Variants in HCN1 observed in about 807,000 individuals in gnomAD.
HCN1 encodes the protein hyperpolarization activated cyclic nucleotide gated potassium channel 1.
A neutral mutation model predicts 78.9 loss-of-function variants in HCN1; 13 were observed. The observed-to-expected ratio is 0.16, with a 90% CI of 0.11 to 0.26. The LOEUF (loss-of-function observed/expected upper bound fraction) is 0.26, where lower values mean the gene tolerates loss of function less well. HCN1 is among the 10% of genes least tolerant of loss of function. The pLI is 1.00. For synonymous variants in HCN1, 552 were observed against 455.5 expected, an observed-to-expected ratio of 1.21 and a Z score of -2.70; for missense variants, 810 against 1,154.3, an observed-to-expected ratio of 0.70 and a Z score of 4.32.
intron 5 of HCN1, among the ~76,000 whole-genome samples, chr5:45,312,729 TG>T (rs1248925010): frequency 2.6e-5 from 4 of 152,216 alleles, no homozygotes; most frequent in Non-Finnish European, 4.4e-5. Flanking sequence ...ATCCCGCACC[TG>T]GCTCAGGGGG....
intron 2 of HCN1, among the ~76,000 whole-genome samples, chr5:45,607,773 C>T (rs1025993698): frequency 2.0e-5 from 3 of 151,502 alleles, no homozygotes; most frequent in Non-Finnish European, 4.4e-5. Context: ...GCAAAAGCAA[C>T]AGGGATAATA....
In HCN1 at chr5:45,630,175, C is replaced by A. The variant is rs185982594; in HGVS notation, c.849+15010G>T. 3.1e-4 allele frequency among the ~76,000 whole-genome samples: 47 copies of A among 152,256 alleles called. 1 individual carries two copies. The East Asian group carries it at 7.0e-3, about 23-fold the overall frequency. Reference sequence around the variant, plus strand: ...TGTTCAAATTATAGCACACGCCAATCAATAGGGACCCTGCCTCAAATCTTA... The same window carrying A: ...TGTTCAAATTATAGCACACGCCAATAAATAGGGACCCTGCCTCAAATCTTA... On this transcript the variant is annotated intron_variant, in intron 2 of 7. Transcript: ENST00000303230.
chr5:45,352,046 A>C (rs376043206), intron 5 of HCN1, among the ~76,000 whole-genome samples: 1 of 152,196 alleles, frequency 6.6e-6, no homozygotes. Flanking sequence ...AAAGGACTAT[A>C]AATCATGCTG....
intron 6 of HCN1, among the ~76,000 whole-genome samples, chr5:45,294,964 A>G (rs1452450495): frequency 6.6e-6 from 1 of 151,998 alleles, no homozygotes; most frequent in Non-Finnish European, 1.5e-5. Context: ...CTGCTTTGAG[A>G]CTCATTTTCC....
At chr5:45,679,542 T>C (rs1739661907) in intron 1 of HCN1, among the ~76,000 whole-genome samples, 1 of 152,048 alleles carries the variant, frequency 6.6e-6, no homozygotes, top group South Asian at 2.1e-4. Flanking sequence ...GAAGCATGCA[T>C]TTCAATAAAA....
chr5:45,630,814 T>C (rs1561226048), intron 2 of HCN1, among the ~76,000 whole-genome samples: 1 of 152,228 alleles, frequency 6.6e-6, no homozygotes, highest in East Asian at 1.9e-4. Flanking sequence ...AGAGAACTGT[T>C]TTTTTTAAAT....
At chr5:45,651,549 T>C (rs1198735745) in intron 1 of HCN1, among the ~76,000 whole-genome samples, 1 of 151,956 alleles carries the variant, frequency 6.6e-6, no homozygotes, top group African/African-American at 2.4e-5. Context: ...ATAACAACAA[T>C]AGTCCTCAAA....
At chr5:45,445,043 G>A (rs1002752759) in intron 3 of HCN1, among the ~76,000 whole-genome samples, 2 of 152,180 alleles carry the variant, frequency 1.3e-5, no homozygotes, top group Non-Finnish European at 2.9e-5. Flanking sequence ...GCAGGACAGT[G>A]GGTGCAGCGC....
At position 45,296,630 on chromosome 5, in the gene HCN1, A is replaced by G. The variant is rs575486081; in HGVS notation, c.1618+6969T>C. 1.1e-4 allele frequency among the ~76,000 whole-genome samples: 17 copies of G among 152,042 alleles called. No homozygotes were observed. In the South Asian group the frequency reaches 3.5e-3, roughly 32 times the overall value. On this transcript the variant is annotated intron_variant, in intron 6 of 7. Transcript: ENST00000303230. ...GAATACCATAAAAATTATGATAGAA[A>G]TCAATAAAAATGAAAACAGGAAACA...
chr5:45,544,525 A>T (rs1743168854), intron 2 of HCN1, among the ~76,000 whole-genome samples: 1 of 151,990 alleles, frequency 6.6e-6, no homozygotes, highest in Non-Finnish European at 1.5e-5. Flanking sequence ...TACATGTGCC[A>T]TGTTGGTGTG....
intron 4 of HCN1, among the ~76,000 whole-genome samples, chr5:45,379,240 A>C (rs528365369): frequency 2.6e-5 from 4 of 152,250 alleles, no homozygotes; most frequent in African/African-American, 9.6e-5. Flanking sequence ...TCCCACCAAC[A>C]GTGTAAAAGT....
intron 2 of HCN1, among the ~76,000 whole-genome samples, chr5:45,581,697 A>G (rs1744077057): frequency 6.6e-6 from 1 of 152,184 alleles, no homozygotes; most frequent in South Asian, 2.1e-4. Context: ...TAATTTTTGT[A>G]TAAGGTGTAA....
intron 2 of HCN1, among the ~76,000 whole-genome samples, chr5:45,523,472 C>T (rs577153830): frequency 4.7e-4 from 71 of 152,224 alleles, no homozygotes; most frequent in Admixed American, 7.9e-4. Flanking sequence ...TACAGTCCCA[C>T]CAACAGTGTA....
intron 6 of HCN1, among the ~76,000 whole-genome samples, chr5:45,293,199 C>T (rs1745415394): frequency 6.6e-6 from 1 of 151,980 alleles, no homozygotes; most frequent in South Asian, 2.1e-4. Context: ...ATTGAACTAC[C>T]ATACACTGAC....
At chr5:45,624,026 C>T (rs1745118184) in intron 2 of HCN1, among the ~76,000 whole-genome samples, 1 of 152,144 alleles carries the variant, frequency 6.6e-6, no homozygotes, top group African/African-American at 2.4e-5. Context: ...TTGGCAAGTT[C>T]CACGTAGTGC....
chr5:45,416,922 T>C (rs937325302), intron 3 of HCN1, among the ~76,000 whole-genome samples: 2 of 152,022 alleles, frequency 1.3e-5, no homozygotes, highest in South Asian at 2.1e-4. Flanking sequence ...TTTTCTGTTT[T>C]TAAGTCTTAG....
chr5:45,621,349 G>T (rs186470523), intron 2 of HCN1, among the ~76,000 whole-genome samples: 2 of 150,914 alleles, frequency 1.3e-5, no homozygotes, highest in Admixed American at 6.6e-5. Flanking sequence ...GAAGTGAAAA[G>T]TCAGGCTTGG....
chr5:45,452,549 C>T (rs1201173295), intron 3 of HCN1, among the ~76,000 whole-genome samples: 1 of 151,646 alleles, frequency 6.6e-6, no homozygotes, highest in African/African-American at 2.4e-5. Flanking sequence ...CCTATCCTCT[C>T]CCTCTCCCAC....
intron 3 of HCN1, among the ~76,000 whole-genome samples, chr5:45,411,333 T>G (rs1406996341): frequency 3.3e-5 from 5 of 152,124 alleles, no homozygotes; most frequent in African/African-American, 1.2e-4. Flanking sequence ...ATCTGTTTTA[T>G]TTTCCCTCTC....
Sources: allele counts gnomAD v4.1 joint callset (sites outside exome capture counted in the v4.1 genomes callset), GRCh38; gene constraint gnomAD v4.1.1; transcripts MANE v1.5; gene names NCBI Gene and HGNC (gene_info 2026-07-23, HGNC 2026-07-21).